DPF3: variants seen among roughly 807,000 people sequenced by gnomAD.
The protein encoded by DPF3 is zinc finger protein DPF3.
DPF3 carries 18 observed loss-of-function variants against 56.8 expected under a neutral mutation model. The ratio of observed to expected loss-of-function variants is 0.32; its 90% CI spans 0.22 to 0.47. The LOEUF (loss-of-function observed/expected upper bound fraction) is 0.47, where lower values mean the gene tolerates loss of function less well. DPF3 is among the 20% of genes least tolerant of loss of function. The pLI is 1.00. For missense variants in DPF3, 403 were observed against 488.8 expected (o/e 0.82, Z 1.65); for synonymous variants, 188 against 180.2 (o/e 1.04, Z -0.35).
intron 8 of DPF3, among the ~76,000 whole-genome samples, chr14:72,666,561 T>C (rs1247407167): frequency 6.6e-6 from 1 of 152,188 alleles, no homozygotes; most frequent in African/African-American, 2.4e-5. Context: ...CAAATCTCAG[T>C]TTCCTCATCA....
At chr14:72,789,717 G>C (rs1441223751) in intron 1 of DPF3, among the ~76,000 whole-genome samples, 1 of 151,842 alleles carries the variant, frequency 6.6e-6, no homozygotes, top group Non-Finnish European at 1.5e-5. Context: ...TTTTTTAAGA[G>C]AGATCGTGTC....
At chr14:72,787,252 A>T (rs553122910) in intron 1 of DPF3, among the ~76,000 whole-genome samples, 1 of 152,352 alleles carries the variant, frequency 6.6e-6, no homozygotes, top group African/African-American at 2.4e-5. Context: ...CAGCTATGCC[A>T]TCATTCTATC....
intron 1 of DPF3, among the ~76,000 whole-genome samples, chr14:72,809,305 TCA>T (rs1882929032): frequency 6.6e-6 from 1 of 152,240 alleles, no homozygotes; most frequent in South Asian, 2.1e-4. Context: ...CACATCATCG[TCA>T]CACAGGGCTT....
Position 72,611,292 on chromosome 14 carries a change from G to A in DPF3, c.*8005C>T, listed in dbSNP as rs1388245363. ...GAGAAAAGGAAAGATGAAACAAACG[G>A]TTTATTCCTAATGCTGTCAACACAA... On this transcript the variant is annotated 3_prime_UTR_variant, in exon 11 of 11. Coordinates refer to ENST00000556509, the MANE Select transcript of DPF3 (RefSeq NM_001280542.3). Among the ~76,000 whole-genome samples, 1 of 152,234 alleles carries A rather than the reference G, an allele frequency of 6.6e-6. No individual in the cohort carries two copies. Among genetic ancestry groups the A allele is most frequent in the Non-Finnish European group, 1.5e-5 (1 of 68,048 alleles).
In DPF3 at chr14:72,612,064, A is replaced by G. The variant is rs1313537542; in HGVS notation, c.*7233T>C. ...AGTCGATGCCCTGCCAAGGGTTTTA[A>G]TTTAGCCAGTAACAGCCTGCCCTGC... On this transcript the variant is annotated 3_prime_UTR_variant, in exon 11 of 11. Transcript: ENST00000556509. 2.6e-5 allele frequency among the ~76,000 whole-genome samples: 4 copies of G among 152,262 alleles called. No homozygotes were observed. In the East Asian group the frequency reaches 5.8e-4, roughly 22 times the overall value.
At chr14:72,780,500 C>G (rs1257480868) in intron 1 of DPF3, among the ~76,000 whole-genome samples, 1 of 152,154 alleles carries the variant, frequency 6.6e-6, no homozygotes, top group South Asian at 2.1e-4. Context: ...ATCATGTCAT[C>G]CTCAGCAAAC....
intron 1 of DPF3, among the ~76,000 whole-genome samples, chr14:72,824,551 C>CTTTTTTTTTTTTTTTTTT (rs375498304): frequency 7.0e-6 from 1 of 143,256 alleles, no homozygotes; most frequent in Admixed American, 7.1e-5. Context: ...TTTTCTTTTT[C>CTTTTTTTTTTTTTTTTTT]TTTTTTTTTT....
chr14:72,620,812 G>A (rs544690381), intron 9 of DPF3, among the ~76,000 whole-genome samples: 12 of 152,192 alleles, frequency 7.9e-5, no homozygotes, highest in Admixed American at 3.3e-4. Flanking sequence ...TTTCCTTTAC[G>A]TTACATGCCT....
chr14:72,782,042 C>T (rs1411512854), intron 1 of DPF3, among the ~76,000 whole-genome samples: 3 of 152,096 alleles, frequency 2.0e-5, no homozygotes, highest in African/African-American at 4.8e-5. Flanking sequence ...TGAGTGTGAT[C>T]GCCTATAGAA....
chr14:72,877,121 T>C (rs1886147029), intron 1 of DPF3, among the ~76,000 whole-genome samples: 1 of 152,106 alleles, frequency 6.6e-6, no homozygotes, highest in African/African-American at 2.4e-5. Flanking sequence ...AGGCTGGAGG[T>C]GCAAACTCAG....
At chr14:72,835,519 C>T (rs1261668991) in intron 1 of DPF3, among the ~76,000 whole-genome samples, 1 of 152,156 alleles carries the variant, frequency 6.6e-6, no homozygotes, top group African/African-American at 2.4e-5. Flanking sequence ...TTCAATCATC[C>T]TTTACAAAGT....
chr14:72,673,691 G>A (rs769674197), intron 8 of DPF3, among the ~76,000 whole-genome samples: 8 of 152,066 alleles, frequency 5.3e-5, no homozygotes, highest in South Asian at 4.2e-4. Context: ...TTGATCTATC[G>A]GGGTCTCTTC....
chr14:72,741,349 A>G (rs976099950), intron 3 of DPF3, among the ~76,000 whole-genome samples: 8 of 152,356 alleles, frequency 5.3e-5, no homozygotes, highest in African/African-American at 1.9e-4. Flanking sequence ...TGGTTAGGAA[A>G]TTGTCCAAAA....
At chr14:72,868,631 G>A (rs1260899559) in intron 1 of DPF3, among the ~76,000 whole-genome samples, 2 of 152,158 alleles carry the variant, frequency 1.3e-5, no homozygotes, top group Non-Finnish European at 2.9e-5. Flanking sequence ...AGCAGAGGGA[G>A]GCAAACTGCT....
rs1039079541 is a variant in DPF3 at position 72,614,004 on chromosome 14, C to T, written c.*5293G>A. On this transcript the variant is annotated 3_prime_UTR_variant, in exon 11 of 11. Coordinates refer to ENST00000556509, the MANE Select transcript of DPF3 (RefSeq NM_001280542.3). ...TGCCCCACTCTCAGCTGTCCACTCA[C>T]AGACCAGAGGGTCTCCAGCCTCCCT... Among the ~76,000 whole-genome samples, 4 of 152,142 alleles carry T rather than the reference C, an allele frequency of 2.6e-5. No homozygotes were observed. Among genetic ancestry groups the T allele is most frequent in the Non-Finnish European group, 5.9e-5 (4 of 67,998 alleles).
chr14:72,753,458 G>A (rs1890663652), intron 2 of DPF3, 87 bp from the exon 3 acceptor site: 1 of 1,061,712 alleles, frequency 9.4e-7, no homozygotes, highest in African/African-American at 1.6e-5. Context: ...CATTCACAAG[G>A]AGAGGAAGCT....
intron 5 of DPF3, among the ~76,000 whole-genome samples, chr14:72,715,545 T>TG (rs1386038741): frequency 6.6e-6 from 1 of 151,612 alleles, no homozygotes; most frequent in Admixed American, 6.6e-5. Flanking sequence ...GCAGGGGAAA[T>TG]GGGGCAGCCC....
In DPF3 at chr14:72,884,249, A is replaced by T. The variant is rs984824936; in HGVS notation, c.32+9808T>A. On this transcript the variant is annotated intron_variant, in intron 1 of 10. Transcript: ENST00000556509. ...ATTCTCACTTATTTCAAACCCAGAC[A>T]ATAGGAAAATCCCACTGAGATCCCA... Among the ~76,000 whole-genome samples the T allele has an allele frequency of 2.0e-5, 3 of 152,362 alleles. No individual in the cohort carries two copies. In the South Asian group the frequency reaches 6.2e-4, roughly 32 times the overall value.
intron 1 of DPF3, among the ~76,000 whole-genome samples, chr14:72,822,184 C>T (rs1332044657): frequency 6.6e-6 from 1 of 152,072 alleles, no homozygotes; most frequent in Non-Finnish European, 1.5e-5. Flanking sequence ...TCAAGATCAG[C>T]CTGGCCAACA....
Sources: allele counts gnomAD v4.1 joint callset (sites outside exome capture counted in the v4.1 genomes callset), GRCh38; gene constraint gnomAD v4.1.1; transcripts MANE v1.5; gene names NCBI Gene and HGNC (gene_info 2026-07-23, HGNC 2026-07-21).